Variants in EDDM13 observed in about 807,000 individuals in gnomAD.
EDDM13 encodes epididymal protein 13.
EDDM13 carries 24 observed loss-of-function variants against 17.8 expected under a neutral mutation model. The observed-to-expected ratio is 1.35, with a 90% CI of 0.98 to 1.90. The LOEUF (loss-of-function observed/expected upper bound fraction) is 1.90, where lower values mean the gene tolerates loss of function less well. EDDM13 is among the 40% of genes most tolerant of loss of function. The pLI, the probability that EDDM13 is intolerant of heterozygous loss-of-function variation, is 0.00. For missense variants in EDDM13, 97 were observed against 100.8 expected, an observed-to-expected ratio of 0.96 and a Z score of 0.16; for synonymous variants, 31 against 37.5, an observed-to-expected ratio of 0.83 and a Z score of 0.63.
chr19:56,294,490 T>C (rs901306399), intron 9 of EDDM13, among the ~76,000 whole-genome samples: 5 of 151,720 alleles, frequency 3.3e-5, no homozygotes, highest in Non-Finnish European at 7.4e-5. Flanking sequence ...TCAATCAGCA[T>C]TTTTTTTTCT....
chr19:56,302,660 T>G (rs557239890), intron 13 of EDDM13, among the ~76,000 whole-genome samples: 5 of 88,624 alleles, frequency 5.6e-5, no homozygotes, highest in African/African-American at 2.3e-4. Flanking sequence ...CCCCCCTCCC[T>G]GTTCTTTCCT....
chr19:56,283,796 T>C (rs1353384712), intron 4 of EDDM13: 4 of 152,196 alleles, frequency 2.6e-5, no homozygotes, highest in African/African-American at 9.7e-5. Flanking sequence ...AGGGACAATA[T>C]CTGATCTCAA....
intron 12 of EDDM13, among the ~76,000 whole-genome samples, chr19:56,301,701 A>G (rs915104599): frequency 2.0e-5 from 3 of 152,112 alleles, no homozygotes; most frequent in Non-Finnish European, 4.4e-5. Context: ...GTTTGGTGAG[A>G]AATCTGGGCA....
chr19:56,274,643 A>G (rs900041829), intron 1 of EDDM13: 1 of 152,244 alleles, frequency 6.6e-6, no homozygotes, highest in Non-Finnish European at 1.5e-5. Context: ...ACCCAACACC[A>G]GAACAAAACT....
At chr19:56,296,050 T>C (rs2039850952) in intron 10 of EDDM13, 83 bp downstream of exon 10, 1 of 152,296 alleles carries the variant, frequency 6.6e-6, no homozygotes, top group Non-Finnish European at 1.5e-5. Flanking sequence ...GGCAGGGTGG[T>C]GGAAAGCTGA....
intron 5 of EDDM13, among the ~76,000 whole-genome samples, chr19:56,284,513 ATTTTTTT>A (rs11374260): frequency 0.2 from 23,318 of 118,348 alleles, 1,991 homozygotes; most frequent in Middle Eastern, 0.42. Context: ...GCTTGCTGTA[ATTTTTTT>A]TTTTTTTTTT....
At chr19:56,292,516 G>A (rs953322411) in intron 9 of EDDM13, among the ~76,000 whole-genome samples, 3 of 150,746 alleles carry the variant, frequency 2.0e-5, no homozygotes, top group African/African-American at 7.3e-5. Flanking sequence ...TTCAATTCCG[G>A]GGCTCAAGCA....
Position 56,304,850 on chromosome 19 carries a change from T to A in EDDM13, c.461+20T>A. ...CATCAGGTATGCTATGGCAGGGAAG[T>A]GGGCTTTTCCCACCGCTGGGGTGGG... On this transcript the variant is annotated intron_variant, in intron 14 of 14. Transcript: ENST00000649256. 1.0e-6 allele frequency: 1 copy of A among 974,264 alleles called. No individual in the cohort carries two copies. The highest frequency in any genetic ancestry group is 1.8e-5 in the African/African-American group (1 of 57,028). 60.4% of individuals were successfully genotyped at this position (974,264 alleles called of 1,614,324 possible).
At position 56,301,994 on chromosome 19, in the gene EDDM13, T is replaced by C; in HGVS notation, c.322T>C (p.Ser108Pro). Reference protein sequence around the residue: ...EVKPFSGTTPSRKPLPKRKNT... With the variant: ...EVKPFSGTTPPRKPLPKRKNT... ...TAAACCCTTCTCAGGCACCACCCCA[T>C]CCAGGAAACCACTCCCCAAGAGGAA... Residue 108 changes from serine (S) to proline (P), a missense_variant, in exon 13 of 15, where the codon TCC becomes CCC. Transcript: ENST00000649256. The C allele has an allele frequency of 8.1e-7, 1 of 1,232,012 alleles. No individual in the cohort carries two copies. Among genetic ancestry groups the C allele is most frequent in the Non-Finnish European group, 1.0e-6 (1 of 988,266 alleles). 76.3% of individuals were successfully genotyped at this position (1,232,012 alleles called of 1,614,324 possible). A position where few individuals can be genotyped will look rare whatever the true frequency, so the allele number is the denominator to read the frequency against.
At chr19:56,299,334 T>C (rs768688217) in intron 12 of EDDM13, among the ~76,000 whole-genome samples, 4 of 151,988 alleles carry the variant, frequency 2.6e-5, no homozygotes, top group Admixed American at 6.6e-5. Flanking sequence ...GGTCTCCCTA[T>C]GTTGCCCAGG....
intron 2 of EDDM13, among the ~76,000 whole-genome samples, chr19:56,281,351 G>A (rs900031186): frequency 1.0e-4 from 3 of 28,832 alleles, no homozygotes; most frequent in African/African-American, 2.9e-4. Context: ...AAGGGTCAAC[G>A]GTGTGTGTAT....
intron 6 of EDDM13, among the ~76,000 whole-genome samples, chr19:56,288,061 G>C (rs1234030206): frequency 1.3e-5 from 2 of 152,308 alleles, no homozygotes; most frequent in Middle Eastern, 3.4e-3. Flanking sequence ...GTGAGTTGCT[G>C]ATGGTCACGA....
chr19:56,288,291 C>A (rs769174057), intron 6 of EDDM13, among the ~76,000 whole-genome samples, 94 bp from the exon 7 acceptor site: 8 of 152,188 alleles, frequency 5.3e-5, no homozygotes, highest in Non-Finnish European at 1.0e-4. Context: ...CCATCCAGCC[C>A]AGGAAGACGC....
At chr19:56,297,356 C>G (rs978905288) in intron 11 of EDDM13, 149 bp from the exon 12 acceptor site, 1 of 162,934 alleles carries the variant, frequency 6.1e-6, no homozygotes, top group South Asian at 2.0e-4. Context: ...CCTTTCTTTT[C>G]TCCTCCTCTT....
intron 3 of EDDM13, 53 bp downstream of exon 3, chr19:56,281,751 A>G (rs2038725538): frequency 1.0e-6 from 1 of 972,438 alleles, no homozygotes; most frequent in Non-Finnish European, 1.2e-6. Flanking sequence ...CCTTCAACCT[A>G]GAGAAGGAAG....
intron 13 of EDDM13, among the ~76,000 whole-genome samples, 174 bp from the exon 14 acceptor site, chr19:56,304,619 C>A (rs1260640560): frequency 6.6e-6 from 1 of 151,336 alleles, no homozygotes; most frequent in African/African-American, 2.4e-5. Flanking sequence ...TGGTGAGAGG[C>A]GGGCTGAATA....
chr19:56,277,702 T>C (rs2038370581), intron 2 of EDDM13, among the ~76,000 whole-genome samples: 2 of 152,110 alleles, frequency 1.3e-5, no homozygotes, highest in South Asian at 2.1e-4. Context: ...AAAGCTATTA[T>C]TCAAATATCT....
At position 56,301,940 on chromosome 19, in the gene EDDM13, C is replaced by T. The variant is rs1308793791; in HGVS notation, c.296-28C>T. 1.1e-5 allele frequency: 14 copies of T among 1,231,950 alleles called. No individual in the cohort carries two copies. In the Admixed American group the frequency reaches 3.8e-4, roughly 33 times the overall value. 76.3% of individuals were successfully genotyped at this position (1,231,950 alleles called of 1,614,324 possible). On this transcript the variant is annotated intron_variant, in intron 12 of 14. Coordinates refer to ENST00000649256, the MANE Select transcript of EDDM13 (RefSeq NM_001354658.2). The stretch of plus-strand genomic sequence containing the variant: ...TAAGGCAGGAAGGGAAGGCCATCAG[C>T]ATCAATCATCTCCACGGTTCTCTCC...
rs115629801 is a variant in EDDM13, at chr19:56,280,060, C to T, written c.104-1633C>T. Reference sequence around the variant, plus strand: ...AACCTATTCACTCATTTCCCTTCCCCGAAAGAATCTGATATTAATTATTTC... The same window carrying T: ...AACCTATTCACTCATTTCCCTTCCCTGAAAGAATCTGATATTAATTATTTC... On this transcript the variant is annotated intron_variant, in intron 2 of 14. Transcript: ENST00000649256. Among the ~76,000 whole-genome samples, 654 of 152,178 alleles carry T rather than the reference C, an allele frequency of 4.3e-3. 4 individuals are homozygous for T. Among genetic ancestry groups the T allele is most frequent in the African/African-American group, 0.015 (623 of 41,508 alleles).
Sources: gnomAD v4.1 joint callset for allele counts (sites outside exome capture counted in the v4.1 genomes callset) on GRCh38, gnomAD v4.1.1 for gene constraint, MANE v1.5 for transcripts, NCBI Gene and HGNC (gene_info 2026-07-23, HGNC 2026-07-21) for gene names.